Variants in ELAVL2 observed in about 807,000 individuals in gnomAD.
ELAVL2 encodes ELAV like RNA binding protein 2.
ELAVL2 carries 4 observed loss-of-function variants against 34.6 expected under a neutral mutation model. The observed-to-expected ratio is 0.12, with a 90% confidence interval of 0.06 to 0.26. The LOEUF is 0.26. Among genes scored for constraint, ELAVL2 ranks in the 10% least tolerant of loss-of-function variants. The pLI, the probability that ELAVL2 is intolerant of heterozygous loss-of-function variation, is 1.00. For synonymous variants in ELAVL2, 193 were observed against 154.8 expected, an observed-to-expected ratio of 1.25 and a Z score of -1.83; for missense variants, 432 against 442.8, an observed-to-expected ratio of 0.98 and a Z score of 0.22.
chr9:23,804,175 TTA>T (rs1446017634), intron 1 of ELAVL2, among the ~76,000 whole-genome samples: 7 of 148,602 alleles, frequency 4.7e-5, no homozygotes, highest in African/African-American at 9.7e-5. Context: ...ATTTATTTAT[TTA>T]TTTATTTTTT....
chr9:23,729,799 G>A (rs572574265), intron 3 of ELAVL2, among the ~76,000 whole-genome samples: 1 of 152,042 alleles, frequency 6.6e-6, no homozygotes, highest in Admixed American at 6.6e-5. Flanking sequence ...AAACCACTCA[G>A]GGCTAATAAA....
At chr9:23,846,946 C>T in the ELAVL2 span, among the ~76,000 whole-genome samples, 2 of 152,010 alleles carry the variant, frequency 1.3e-5, no homozygotes, top group African/African-American at 4.8e-5. Flanking sequence ...TTTTGATTCA[C>T]ATCCTCACTT....
chr9:23,826,343 C>A (rs1377954866), upstream of ELAVL2: 1 of 152,430 alleles, frequency 6.6e-6, no homozygotes, highest in African/African-American at 2.4e-5. Context: ...GGCTCCTATC[C>A]CGGGCAGCAC....
rs1420806384 is a variant in ELAVL2, at chr9:23,815,824, G to A, written c.-16+9982C>T. Among the ~76,000 whole-genome samples, 9 of 152,218 alleles carry A rather than the reference G, an allele frequency of 5.9e-5. 1 individual carries two copies. Among genetic ancestry groups the A allele is most frequent in the Admixed American group, 4.6e-4 (7 of 15,286 alleles). On this transcript the variant is annotated intron_variant, in intron 1 of 6. Transcript: ENST00000397312. ...CTCAGCAAATTGGCCGCACGGGCACGGTGATCACAAGACCTTATGTGTGTG... is the reference window on the plus strand; with the variant it reads ...CTCAGCAAATTGGCCGCACGGGCACAGTGATCACAAGACCTTATGTGTGTG...
intron 1 of ELAVL2, among the ~76,000 whole-genome samples, chr9:23,787,880 G>T (rs955084986): frequency 3.3e-5 from 5 of 152,160 alleles, no homozygotes; most frequent in African/African-American, 9.7e-5. Context: ...AGAGACTGGG[G>T]AATTCATCCA....
intron 1 of ELAVL2, among the ~76,000 whole-genome samples, chr9:23,800,263 C>A (rs756502391): frequency 6.6e-6 from 1 of 152,162 alleles, no homozygotes; most frequent in Non-Finnish European, 1.5e-5. Context: ...AAATTCTGAA[C>A]TGGAGGTGTA....
At chr9:23,805,684 C>T (rs1033264196) in intron 1 of ELAVL2, among the ~76,000 whole-genome samples, 1 of 152,186 alleles carries the variant, frequency 6.6e-6, no homozygotes, top group East Asian at 1.9e-4. Context: ...CCTTAGACCT[C>T]AACTTCTCTA....
chr9:23,812,505 A>C (rs1183345685), intron 1 of ELAVL2, among the ~76,000 whole-genome samples: 1 of 151,988 alleles, frequency 6.6e-6, no homozygotes, highest in Non-Finnish European at 1.5e-5. Context: ...CCCCACCCCA[A>C]CCCAGTAACT....
chr9:23,779,775 C>G lies in ELAVL2; in HGVS notation c.-15-17526G>C, dbSNP rs1338313847. 4.0e-5 allele frequency among the ~76,000 whole-genome samples: 6 copies of G among 151,664 alleles called. 1 individual carries two copies. The highest frequency in any genetic ancestry group is 8.8e-5 in the Non-Finnish European group (6 of 67,960). ...AAGTTTCTGTGATTTCAAGCAGAGA[C>G]CAGGAGAAACTATACTTTTCACCTC... is the stretch of plus-strand genomic sequence containing the variant. On this transcript the variant is annotated intron_variant, in intron 1 of 6. Transcript: ENST00000397312.
intron 3 of ELAVL2, among the ~76,000 whole-genome samples, chr9:23,717,025 G>C (rs542723649): frequency 2.6e-5 from 4 of 152,194 alleles, no homozygotes. Flanking sequence ...AGAATACAGA[G>C]ACAGTTTCCC....
chr9:23,730,732 T>C (rs1245868261), intron 3 of ELAVL2, among the ~76,000 whole-genome samples: 3 of 152,078 alleles, frequency 2.0e-5, no homozygotes, highest in Admixed American at 6.6e-5. Context: ...CCTCAAGTTA[T>C]AGGGCAAGTA....
chr9:23,740,627 T>C (rs2048936177), intron 2 of ELAVL2, among the ~76,000 whole-genome samples: 1 of 150,444 alleles, frequency 6.6e-6, no homozygotes, highest in Non-Finnish European at 1.5e-5. Flanking sequence ...TCTTAATCCA[T>C]CCAAGAGACT....
chr9:23,823,313 CTACT>C lies in ELAVL2; in HGVS notation c.-16+2489_-16+2492del, dbSNP rs2065063506. ...TCCAAAACGTTAGGCGAAAATGGGC[CTACT>C]TAATTTGTCAATCCAAACCTAAAAC... On this transcript the variant is annotated intron_variant, in intron 1 of 6. Transcript: ENST00000397312. Among the ~76,000 whole-genome samples, 4 of 152,124 alleles carry C rather than the reference CTACT, an allele frequency of 2.6e-5. No individual in the cohort carries two copies. The South Asian group carries it at 6.2e-4, about 24-fold the overall frequency.
chr9:23,728,035 G>T (rs1242576361), intron 3 of ELAVL2, among the ~76,000 whole-genome samples: 14 of 152,014 alleles, frequency 9.2e-5, no homozygotes, highest in Admixed American at 8.5e-4. Flanking sequence ...GTCCTGGCAA[G>T]AGTTTTGATA....
At chr9:23,846,991 G>T in the ELAVL2 span, among the ~76,000 whole-genome samples, 1 of 151,976 alleles carries the variant, frequency 6.6e-6, no homozygotes. Flanking sequence ...TAGGTACTCA[G>T]TTTCTAGGTG....
chr9:23,729,102 C>G (rs762284474), intron 3 of ELAVL2, among the ~76,000 whole-genome samples: 1 of 152,180 alleles, frequency 6.6e-6, no homozygotes. Context: ...TTGAAGGCCA[C>G]GGGCATTTCT....
intron 1 of ELAVL2, among the ~76,000 whole-genome samples, chr9:23,763,005 A>C (rs986744255): frequency 6.6e-6 from 1 of 152,120 alleles, no homozygotes; most frequent in Non-Finnish European, 1.5e-5. Context: ...ACTGATCTAC[A>C]ACATCAAAAT....
chr9:23,712,129 A>G (rs1006658047), intron 3 of ELAVL2, among the ~76,000 whole-genome samples: 1 of 152,144 alleles, frequency 6.6e-6, no homozygotes. Flanking sequence ...AAATACAGTG[A>G]TCATTTAGTC....
At chr9:23,798,667 G>T (rs769040595) in intron 1 of ELAVL2, among the ~76,000 whole-genome samples, 39 of 152,086 alleles carry the variant, frequency 2.6e-4, no homozygotes, top group Non-Finnish European at 4.7e-4. Context: ...GGGTGTGTGT[G>T]GGAAGGGAGA....
Sources: allele counts gnomAD v4.1 joint callset (sites outside exome capture counted in the v4.1 genomes callset), GRCh38; gene constraint gnomAD v4.1.1; transcripts MANE v1.5; gene names NCBI Gene and HGNC (gene_info 2026-07-23, HGNC 2026-07-21).